The following DUSP16 variants were observed in gnomAD, a reference collection of about 807,000 sequenced individuals.
The protein encoded by DUSP16 is dual specificity protein phosphatase 16.
DUSP16 carries 21 observed loss-of-function variants against 58.3 expected under a neutral mutation model. The ratio of observed to expected loss-of-function variants is 0.36; its 90% CI spans 0.26 to 0.52. The LOEUF (loss-of-function observed/expected upper bound fraction) is 0.52. Among genes scored for constraint, DUSP16 ranks in the 20% least tolerant of loss-of-function variants. DUSP16 has a pLI of 0.94. For synonymous variants in DUSP16, 320 were observed against 323.8 expected (o/e 0.99, Z 0.12); for missense variants, 726 against 819.0 (o/e 0.89, Z 1.39).
At chr12:12,478,112 A>AAT in intron 6 of DUSP16, 97 bp from the exon 7 acceptor site, 2 of 1,128,756 alleles carry the variant, frequency 1.8e-6, no homozygotes, top group East Asian at 4.8e-5. Context: ...TATCAGGCAG[A>AAT]CCTCAAAAAC....
intron 3 of DUSP16, among the ~76,000 whole-genome samples, chr12:12,501,995 C>T (rs1565999007): frequency 6.6e-6 from 1 of 151,060 alleles, no homozygotes; most frequent in African/African-American, 2.4e-5. Flanking sequence ...GTCTCAAAAA[C>T]AAAAATAAAA....
intron 1 of DUSP16, among the ~76,000 whole-genome samples, chr12:12,523,462 C>T (rs1288095562): frequency 1.3e-5 from 2 of 152,222 alleles, no homozygotes; most frequent in African/African-American, 4.8e-5. Context: ...CAGAGGCTGA[C>T]ACACAGGGAG....
chr12:12,550,471 G>A (rs1009216369), intron 1 of DUSP16, among the ~76,000 whole-genome samples: 1 of 152,108 alleles, frequency 6.6e-6, no homozygotes, highest in African/African-American at 2.4e-5. Context: ...TACAACAGTG[G>A]GTCGAGGATG....
At chr12:12,533,357 T>C (rs1413416447) in intron 1 of DUSP16, among the ~76,000 whole-genome samples, 1 of 152,226 alleles carries the variant, frequency 6.6e-6, no homozygotes, top group African/African-American at 2.4e-5. Flanking sequence ...ACAAAGTATA[T>C]GCAATGGCTT....
chr12:12,560,942 A>C (rs946160724), intron 1 of DUSP16: 1 of 150,576 alleles, frequency 6.6e-6, no homozygotes, highest in African/African-American at 2.5e-5. Context: ...ATGGATGGTA[A>C]ATTTCACACA....
chr12:12,501,713 A>C (rs1943913182), intron 3 of DUSP16, among the ~76,000 whole-genome samples: 2 of 152,152 alleles, frequency 1.3e-5, no homozygotes, highest in African/African-American at 4.8e-5. Flanking sequence ...AAAACAAGGC[A>C]GGGCTCGGTG....
chr12:12,540,131 A>T (rs1367781901), intron 1 of DUSP16, among the ~76,000 whole-genome samples: 2 of 88,102 alleles, frequency 2.3e-5, no homozygotes, highest in African/African-American at 6.0e-5. Flanking sequence ...ACTCTACTTT[A>T]AAAAAAAAAA....
intron 1 of DUSP16, among the ~76,000 whole-genome samples, chr12:12,525,461 T>G (rs1944292752): frequency 7.0e-6 from 1 of 142,276 alleles, no homozygotes; most frequent in African/African-American, 2.7e-5. Context: ...AGAGATGGGG[T>G]TTCTCCATGT....
rs1170367832 is a variant in DUSP16 at position 12,480,376 on chromosome 12, TACTA to T, written c.692-34_692-31del. ...ATAAGTCAAATGCAAGAAAGGTCAC[TACTA>T]ACTATTTTGTTCAGCAGTGAAATCT... On this transcript the variant is annotated intron_variant, in intron 5 of 6. Transcript: ENST00000298573. The T allele has an allele frequency of 5.0e-6, 8 of 1,602,198 alleles. No individual in the cohort carries two copies. The African/African-American group carries it at 5.4e-5, about 11-fold the overall frequency.
rs757358429 is a variant in DUSP16, at chr12:12,549,895, C to A, written c.-366+12222G>T. Among the ~76,000 whole-genome samples the A allele has an allele frequency of 4.1e-4, 63 of 152,118 alleles. 1 individual carries two copies. Among genetic ancestry groups the A allele is most frequent in the Non-Finnish European group, 1.8e-4 (12 of 68,028 alleles). On this transcript the variant is annotated intron_variant, in intron 1 of 6. Transcript: ENST00000298573. Reference sequence around the variant, plus strand: ...GCTCTGATGTTATATGACCTTCCACCCATAATAGTATCTGGCCACATGGCT... The same window carrying A: ...GCTCTGATGTTATATGACCTTCCACACATAATAGTATCTGGCCACATGGCT...
chr12:12,558,008 T>C (rs1944835344), intron 1 of DUSP16, among the ~76,000 whole-genome samples: 2 of 152,238 alleles, frequency 1.3e-5, no homozygotes, highest in African/African-American at 4.8e-5. Flanking sequence ...CCCTGAGCCC[T>C]CTTTCTCTTT....
chr12:12,509,214 TCA>T (rs1944040782), intron 3 of DUSP16, among the ~76,000 whole-genome samples: 1 of 152,104 alleles, frequency 6.6e-6, no homozygotes, highest in African/African-American at 2.4e-5. Flanking sequence ...AGAGCCAGAG[TCA>T]CAGAGTCTCC....
chr12:12,520,254 T>C (rs540701022), intron 2 of DUSP16, among the ~76,000 whole-genome samples: 8 of 152,218 alleles, frequency 5.3e-5, no homozygotes, highest in Non-Finnish European at 1.0e-4. Flanking sequence ...TATAAAATGG[T>C]AAAGTTCATA....
chr12:12,487,163 C>T lies in DUSP16; in HGVS notation c.556G>A (p.Gly186Ser). 6.2e-7 allele frequency: 1 copy of T among 1,614,032 alleles called. No homozygotes were observed. The highest frequency in any genetic ancestry group is 8.5e-7 in the Non-Finnish European group (1 of 1,179,950). ...GTATTGCTGGCATTTAACACATAAC[C>T]AATCCCATTCTGCTGCATCAGCTCC... ...NKELMQQNGI[G>S]YVLNASNTCP... is the part of the protein sequence containing the mutation. Residue 186 changes from glycine to serine, a missense_variant, in exon 5 of 7, where the codon GGT (glycine) becomes AGT (serine). Gly to Ser is a moderately conservative substitution (Grantham distance 56, BLOSUM62 0). Coordinates refer to ENST00000298573, the MANE Select transcript of DUSP16 (RefSeq NM_030640.3).
chr12:12,542,237 G>A (rs1201125869), intron 1 of DUSP16, among the ~76,000 whole-genome samples: 1 of 152,048 alleles, frequency 6.6e-6, no homozygotes, highest in African/African-American at 2.4e-5. Context: ...CCCGGGCGTG[G>A]TGGCACATGC....
intron 4 of DUSP16, among the ~76,000 whole-genome samples, chr12:12,498,933 CCTG>C (rs1168509844): frequency 1.3e-5 from 2 of 152,136 alleles, no homozygotes; most frequent in Non-Finnish European, 2.9e-5. Context: ...ACCTATGTAT[CCTG>C]CTTAGTGCTG....
intron 4 of DUSP16, among the ~76,000 whole-genome samples, chr12:12,491,948 C>G (rs1943766426): frequency 6.6e-6 from 1 of 152,216 alleles, no homozygotes; most frequent in South Asian, 2.1e-4. Flanking sequence ...CCCATGATGT[C>G]TGTCTGCCTT....
At chr12:12,551,334 C>G (rs138473019) in intron 1 of DUSP16, among the ~76,000 whole-genome samples, 1 of 151,802 alleles carries the variant, frequency 6.6e-6, no homozygotes, top group African/African-American at 2.4e-5. Context: ...AAACCCCCAT[C>G]TCTACTAAAA....
chr12:12,544,057 A>G (rs1390469088), intron 1 of DUSP16, among the ~76,000 whole-genome samples: 1 of 152,068 alleles, frequency 6.6e-6, no homozygotes, highest in Non-Finnish European at 1.5e-5. Flanking sequence ...AGCTCAAAGA[A>G]TTTTTATAAG....
Sources: allele counts gnomAD v4.1 joint callset (sites outside exome capture counted in the v4.1 genomes callset), GRCh38; gene constraint gnomAD v4.1.1; transcripts MANE v1.5; gene names NCBI Gene and HGNC (gene_info 2026-07-23, HGNC 2026-07-21).